Variants in GALNT10 observed in about 807,000 individuals in gnomAD.
GALNT10 encodes the protein GalNAc transferase 10.
In GALNT10, 41 loss-of-function variants were observed where a neutral mutation model predicts 75.0. That is an observed-to-expected ratio of 0.55 (90% CI 0.43 to 0.71). GALNT10 has a LOEUF of 0.71. GALNT10 is among the 30% of genes least tolerant of loss of function. The probability of loss-of-function intolerance (pLI) is 0.00; values close to 1 mark genes in which losing one functional copy is unlikely to be tolerated. For missense variants in GALNT10, 727 were observed against 818.5 expected, an observed-to-expected ratio of 0.89 and a Z score of 1.36; for synonymous variants, 302 against 313.0, an observed-to-expected ratio of 0.96 and a Z score of 0.37.
At chr5:154,219,828 T>TCACACACACA (rs1283000665) in intron 1 of GALNT10, among the ~76,000 whole-genome samples, 4 of 76,602 alleles carry the variant, frequency 5.2e-5, no homozygotes, top group South Asian at 5.3e-4. Context: ...TCTCTCTCTC[T>TCACACACACA]CTCTCTCTCT....
At chr5:154,265,903 T>C (rs1193649013) in intron 1 of GALNT10, among the ~76,000 whole-genome samples, 1 of 92,772 alleles carries the variant, frequency 1.1e-5, no homozygotes, top group Non-Finnish European at 2.3e-5. Context: ...TTCAATCTCA[T>C]TAAAAAAAAA....
In GALNT10 at chr5:154,406,203, T is replaced by G. The variant is rs143495113; in HGVS notation, c.1164+1992T>G. ...TAAACAGTGACTGCTGTTATTAGTG[T>G]TAGCATCAATATTAACAATAAAGAC... On this transcript the variant is annotated intron_variant, in intron 8 of 11. Transcript: ENST00000297107. The G allele has an allele frequency of 5.3e-5, 8 of 152,276 alleles. No homozygotes were observed. The East Asian group carries it at 1.5e-3, about 29-fold the overall frequency. The allele number at this position is 152,276 out of a possible 1,614,324, so 9.4% of individuals were successfully genotyped here.
In GALNT10 at chr5:154,347,470, C is replaced by T. The variant is rs116113316; in HGVS notation, c.568+17732C>T. 3.5e-3 allele frequency among the ~76,000 whole-genome samples: 539 copies of T among 151,874 alleles called. 1 individual carries two copies. The highest frequency in any genetic ancestry group is 6.5e-3 in the Non-Finnish European group (443 of 67,958). ...CCTCAAACTCCTGGGCTCAAGCAGT[C>T]ATCCTACCTCGCCTCCCAAGTAACT... is the stretch of plus-strand genomic sequence containing the variant. On this transcript the variant is annotated intron_variant, in intron 4 of 11. Transcript: ENST00000297107.
chr5:154,231,475 T>A (rs951843094), intron 1 of GALNT10, among the ~76,000 whole-genome samples: 3 of 152,226 alleles, frequency 2.0e-5, no homozygotes, highest in Admixed American at 2.0e-4. Context: ...GTATGGGTTA[T>A]GAGAGGGTGG....
chr5:154,279,301 T>TG lies in GALNT10; in HGVS notation c.160-15515_160-15514insG, dbSNP rs1477182180. 2.8e-5 allele frequency among the ~76,000 whole-genome samples: 4 copies of TG among 144,472 alleles called. No homozygotes were observed. The South Asian group carries it at 6.6e-4, about 24-fold the overall frequency. 94.8% of individuals were successfully genotyped at this position (144,472 alleles called of 152,430 possible). A position where few individuals can be genotyped will look rare whatever the true frequency, so the allele number is the denominator to read the frequency against. On this transcript the variant is annotated intron_variant, in intron 1 of 11. Transcript: ENST00000297107. ...TTGTTGTTGTTGTTGTTGTTGTTGT[T>TG]TTGTTTTTTTTTTTTTTTTGAGATG...
chr5:154,329,768 C>G lies in GALNT10; in HGVS notation c.568+30C>G, dbSNP rs1208316352. 5 of 1,556,328 alleles carry G rather than the reference C, an allele frequency of 3.2e-6. No homozygotes were observed. In the East Asian group the frequency reaches 1.1e-4, roughly 35 times the overall value. On this transcript the variant is annotated intron_variant, in intron 4 of 11. Coordinates refer to ENST00000297107, the MANE Select transcript of GALNT10 (RefSeq NM_198321.4). Reference sequence around the variant, plus strand: ...GATCCGTCCCACCCAGCCTCCCACCCTCTGTGCTTCATCTGGCGACTCACC... The same window carrying G: ...GATCCGTCCCACCCAGCCTCCCACCGTCTGTGCTTCATCTGGCGACTCACC...
At chr5:154,308,266 A>G (rs1754464425) in intron 3 of GALNT10, among the ~76,000 whole-genome samples, 1 of 152,010 alleles carries the variant, frequency 6.6e-6, no homozygotes, top group South Asian at 2.1e-4. Flanking sequence ...GGGAATCAGA[A>G]GGAGGGAGTG....
chr5:154,195,879 A>C (rs1231100088), intron 1 of GALNT10, among the ~76,000 whole-genome samples: 1 of 151,838 alleles, frequency 6.6e-6, no homozygotes, highest in Non-Finnish European at 1.5e-5. Context: ...TTGTAGATCT[A>C]TTTTTGTACA....
intron 1 of GALNT10, among the ~76,000 whole-genome samples, chr5:154,200,577 T>C (rs1775014322): frequency 6.6e-6 from 1 of 152,148 alleles, no homozygotes; most frequent in African/African-American, 2.4e-5. Context: ...TGTGTATGTG[T>C]GTGTGTGTGC....
chr5:154,255,514 C>T (rs1179102295), intron 1 of GALNT10, among the ~76,000 whole-genome samples: 1 of 152,094 alleles, frequency 6.6e-6, no homozygotes, highest in African/African-American at 2.4e-5. Context: ...CAGACATTAT[C>T]TCTACTGTTG....
At chr5:154,360,903 C>T (rs1179171697) in intron 4 of GALNT10, among the ~76,000 whole-genome samples, 2 of 152,178 alleles carry the variant, frequency 1.3e-5, no homozygotes, top group African/African-American at 4.8e-5. Context: ...AGATTTGTGT[C>T]TTAATCCTTT....
intron 3 of GALNT10, among the ~76,000 whole-genome samples, chr5:154,327,241 T>C (rs1040499489): frequency 2.0e-5 from 3 of 151,724 alleles, no homozygotes; most frequent in African/African-American, 7.3e-5. Context: ...AAAATATATT[T>C]GTAGTTCTGA....
intron 1 of GALNT10, among the ~76,000 whole-genome samples, chr5:154,249,032 C>T (rs561202757): frequency 1.3e-5 from 2 of 152,356 alleles, no homozygotes; most frequent in African/African-American, 2.4e-5. Flanking sequence ...CTTTCCTTTT[C>T]TGGTGCAATG....
chr5:154,333,766 C>T (rs1754901744), intron 4 of GALNT10, among the ~76,000 whole-genome samples: 1 of 152,126 alleles, frequency 6.6e-6, no homozygotes, highest in Admixed American at 6.5e-5. Context: ...TGATCACTGC[C>T]CCCTTTTCTC....
chr5:154,397,284 A>G (rs777357184), intron 7 of GALNT10, among the ~76,000 whole-genome samples: 1 of 151,900 alleles, frequency 6.6e-6, no homozygotes, highest in African/African-American at 2.4e-5. Flanking sequence ...TCTTGAAACA[A>G]TATCTTGTTG....
At chr5:154,309,111 A>G (rs1344596429) in intron 3 of GALNT10, among the ~76,000 whole-genome samples, 1 of 152,214 alleles carries the variant, frequency 6.6e-6, no homozygotes, top group African/African-American at 2.4e-5. Flanking sequence ...TTCAGGGGTC[A>G]GGGAAGTGCT....
rs1753894180 is a variant in GALNT10, at chr5:154,273,051, G to T, written c.160-21765G>T. Reference sequence around the variant, plus strand: ...GCGAGGGGTCAGCTGAGGCCAAGAGGGCAGGCAGGAAGACTGGGACTAGGG... The same window carrying T: ...GCGAGGGGTCAGCTGAGGCCAAGAGTGCAGGCAGGAAGACTGGGACTAGGG... On this transcript the variant is annotated intron_variant, in intron 1 of 11. Coordinates refer to ENST00000297107, the MANE Select transcript of GALNT10 (RefSeq NM_198321.4). Among the ~76,000 whole-genome samples, 3 of 152,286 alleles carry T rather than the reference G, an allele frequency of 2.0e-5. No individual in the cohort carries two copies. In the South Asian group the frequency reaches 6.2e-4, roughly 32 times the overall value.
At chr5:154,273,174 T>A (rs1240478399) in intron 1 of GALNT10, among the ~76,000 whole-genome samples, 1 of 152,086 alleles carries the variant, frequency 6.6e-6, no homozygotes, top group African/African-American at 2.4e-5. Flanking sequence ...AGGTCACAGA[T>A]ATAGAGGTGT....
chr5:154,271,631 A>T (rs987035809), intron 1 of GALNT10, among the ~76,000 whole-genome samples: 3 of 152,184 alleles, frequency 2.0e-5, no homozygotes, highest in Admixed American at 6.5e-5. Flanking sequence ...AGAAGTCATT[A>T]TGTCTATAAA....
Sources: gnomAD v4.1 joint callset for allele counts (sites outside exome capture counted in the v4.1 genomes callset) on GRCh38, gnomAD v4.1.1 for gene constraint, MANE v1.5 for transcripts, NCBI Gene and HGNC (gene_info 2026-07-23, HGNC 2026-07-21) for gene names.